KCNA4: variants seen among roughly 807,000 people sequenced by gnomAD.
KCNA4 encodes cardiac potassium channel.
KCNA4 carries 5 observed loss-of-function variants against 37.2 expected under a neutral mutation model. The observed-to-expected ratio is 0.13, with a 90% CI of 0.07 to 0.28. The LOEUF is 0.28. Ranked by LOEUF, KCNA4 falls within the 10% of genes least tolerant of loss-of-function variation. KCNA4 has a pLI of 1.00. For missense variants in KCNA4, 634 were observed against 817.4 expected, an observed-to-expected ratio of 0.78 and a Z score of 2.74; for synonymous variants, 350 against 311.8, an observed-to-expected ratio of 1.12 and a Z score of -1.29.
At chr11:30,014,308 G>A (rs1167044827) in intron 1 of KCNA4, among the ~76,000 whole-genome samples, 2 of 152,068 alleles carry the variant, frequency 1.3e-5, no homozygotes, top group Non-Finnish European at 2.9e-5. Context: ...CCTACAGCAT[G>A]TCCCCATTGT....
At chr11:30,014,921 T>C (rs1163210683) in intron 1 of KCNA4, among the ~76,000 whole-genome samples, 1 of 152,158 alleles carries the variant, frequency 6.6e-6, no homozygotes, top group Admixed American at 6.5e-5. Context: ...AATGGCTTTC[T>C]GAAGCCATTA....
chr11:30,010,571 G>C lies in KCNA4; in HGVS notation c.*146C>G. The C allele has an allele frequency of 8.5e-7, 1 of 1,173,628 alleles. No individual in the cohort carries two copies. Among genetic ancestry groups the C allele is most frequent in the East Asian group, 2.8e-5 (1 of 35,414 alleles). The allele number at this position is 1,173,628 out of a possible 1,614,324, so 72.7% of individuals were successfully genotyped here. On this transcript the variant is annotated 3_prime_UTR_variant, in exon 2 of 2. Coordinates refer to ENST00000328224, the MANE Select transcript of KCNA4 (RefSeq NM_002233.4). ...TTATTTGATATGTAATACAAGTTTAGTAACAATTATGCCATGTATAACCAT... is the reference window on the plus strand; with the variant it reads ...TTATTTGATATGTAATACAAGTTTACTAACAATTATGCCATGTATAACCAT...
rs568599711 is a variant in KCNA4 at position 30,012,847 on chromosome 11, C to T, written c.-169G>A. 4.0e-5 allele frequency: 37 copies of T among 933,366 alleles called. No homozygotes were observed. Among genetic ancestry groups the T allele is most frequent in the African/African-American group, 3.5e-4 (21 of 59,566 alleles). 57.8% of individuals were successfully genotyped at this position (933,366 alleles called of 1,614,324 possible). Reference sequence around the variant, plus strand: ...TTTGCATTTTCTGTTTTTAAATCAGCACGCCCCATGCTCTCTCTTCTCAGG... The same window carrying T: ...TTTGCATTTTCTGTTTTTAAATCAGTACGCCCCATGCTCTCTCTTCTCAGG... On this transcript the variant is annotated 5_prime_UTR_variant, in exon 2 of 2. Transcript: ENST00000328224.
intron 1 of KCNA4, among the ~76,000 whole-genome samples, chr11:30,014,607 T>C (rs11030919): frequency 0.012 from 1,875 of 151,868 alleles, 42 homozygotes; most frequent in African/African-American, 0.044. Context: ...TTATTTACAA[T>C]CTCACACTTC....
intron 1 of KCNA4, chr11:30,016,334 C>A (rs1481241977): frequency 2.0e-5 from 3 of 152,030 alleles, no homozygotes; most frequent in Non-Finnish European, 4.4e-5. Context: ...AGGGCGCACT[C>A]ACCGCATCCC....
In KCNA4 at chr11:30,011,715, C is replaced by A; in HGVS notation, c.964G>T (p.Val322Phe). 1.2e-6 allele frequency: 2 copies of A among 1,614,072 alleles called. No individual in the cohort carries two copies. Among genetic ancestry groups the A allele is most frequent in the Non-Finnish European group, 1.7e-6 (2 of 1,180,030 alleles). The part of the protein sequence containing the change: ...VSVLVILISI[V>F]IFCLETLPEF... ...GGCAAGGTTTCCAGGCAAAAGATGA[C>A]AATGGAGATTAAGATGACCAGGACG... The change falls in exon 2 of 2, where the codon GTC (valine) becomes TTC (phenylalanine). Residue 322 changes from valine to phenylalanine, a missense_variant. Physicochemically the swap from Val to Phe is conservative, Grantham distance 50. Transcript: ENST00000328224. This position sits in a 1 kb window ranked among gnomAD's most constrained non-coding sequence, Gnocchi z 5.6.
chr11:30,014,319 T>A (rs1850332451), intron 1 of KCNA4, among the ~76,000 whole-genome samples: 1 of 152,094 alleles, frequency 6.6e-6, no homozygotes, highest in Non-Finnish European at 1.5e-5. Flanking sequence ...TCCCCATTGT[T>A]TTTCTGTTCC....
In KCNA4 at chr11:30,012,022, A is replaced by G; in HGVS notation, c.657T>C (p.Tyr219=). The G allele has an allele frequency of 1.9e-6, 3 of 1,614,180 alleles. No individual in the cohort carries two copies. The highest frequency in any genetic ancestry group is 2.2e-5 in the South Asian group (2 of 91,080). The change falls in exon 2 of 2, where the codon TAT becomes TAC. Residue 219 remains tyrosine (Y), a synonymous_variant. Transcript: ENST00000328224. ...AGCTGGGGCGGTTCCTGTCAAAAAA[A>G]TACTCATTGCGCAAAGGGTCAAAGT... ...TQYFDPLRNE[Y]FFDRNRPSFD...
intron 1 of KCNA4, among the ~76,000 whole-genome samples, chr11:30,014,376 C>A (rs1850332927): frequency 6.6e-6 from 1 of 152,150 alleles, no homozygotes; most frequent in African/African-American, 2.4e-5. Context: ...GGAACTAATG[C>A]CAATTTCCAC....
Position 30,012,430 on chromosome 11 carries a change from C to G in KCNA4, c.249G>C (p.Arg83=). The G allele has an allele frequency of 2.5e-6, 4 of 1,613,680 alleles. No homozygotes were observed. The highest frequency in any genetic ancestry group is 3.4e-6 in the Non-Finnish European group (4 of 1,180,034). The change falls in exon 2 of 2, where the codon CGG becomes CGC. Residue 83 remains arginine (R), a synonymous_variant. Transcript: ENST00000328224. ...TCTCAGACCGCTGTCGCCTCCTCCT[C>G]CGACTACCCCGGCTGCTCTGAGGGT... The part of the protein sequence containing the change: ...SHDPQSSRGS[R]RRRRQRSEKK...
Position 30,012,724 on chromosome 11 carries a change from G to A in KCNA4, c.-46C>T, listed in dbSNP as rs1364996912. The A allele has an allele frequency of 3.3e-6, 5 of 1,508,310 alleles. No homozygotes were observed. Among genetic ancestry groups the A allele is most frequent in the Non-Finnish European group, 4.4e-6 (5 of 1,128,054 alleles). The allele number at this position is 1,508,310 out of a possible 1,614,324, so 93.4% of individuals were successfully genotyped here. ...GCTGGTTCCAGTTGTAGAAGAAGAA[G>A]AAAGAAAAATAGGGCAGCTTCTTTT... On this transcript the variant is annotated 5_prime_UTR_variant, in exon 2 of 2. Transcript: ENST00000328224.
At chr11:30,015,064 C>G (rs1389162106) in intron 1 of KCNA4, among the ~76,000 whole-genome samples, 3 of 152,048 alleles carry the variant, frequency 2.0e-5, no homozygotes, top group Non-Finnish European at 4.4e-5. Context: ...ACACCCCTTC[C>G]CAATCATATA....
In KCNA4 at chr11:30,010,525, C is replaced by A; in HGVS notation, c.*192G>T. 1.1e-6 allele frequency: 1 copy of A among 905,022 alleles called. No homozygotes were observed. Among genetic ancestry groups the A allele is most frequent in the Middle Eastern group, 3.5e-4 (1 of 2,862 alleles). 56.1% of individuals were successfully genotyped at this position (905,022 alleles called of 1,614,324 possible). A position where few individuals can be genotyped will look rare whatever the true frequency, so the allele number is the denominator to read the frequency against. The stretch of plus-strand genomic sequence containing the variant: ...AAGATAGATTTGCTCCTATTCCTCC[C>A]TCTTCTCCAAGATGTATCATTTATT... On this transcript the variant is annotated 3_prime_UTR_variant, in exon 2 of 2. Coordinates refer to ENST00000328224, the MANE Select transcript of KCNA4 (RefSeq NM_002233.4).
chr11:30,015,726 C>T (rs2133457187), intron 1 of KCNA4, among the ~76,000 whole-genome samples: 1 of 152,268 alleles, frequency 6.6e-6, no homozygotes, highest in South Asian at 2.1e-4. Flanking sequence ...GGTTTAAAAT[C>T]TCTCTTCTTT....
In KCNA4 at chr11:30,016,585, G is replaced by A. The variant is rs1033740083; in HGVS notation, c.-796C>T. On this transcript the variant is annotated 5_prime_UTR_variant, in exon 1 of 2. Coordinates refer to ENST00000328224, the MANE Select transcript of KCNA4 (RefSeq NM_002233.4). ...TATCATACTTACCGTTCCCCGGCGG[G>A]GCGAAAAATAAAAATAAAGAAAATC... 13 of 196,336 alleles carry A rather than the reference G, an allele frequency of 6.6e-5. No homozygotes were observed. The highest frequency in any genetic ancestry group is 1.2e-4 in the Non-Finnish European group (12 of 98,488). 12.2% of individuals were successfully genotyped at this position (196,336 alleles called of 1,614,324 possible).
rs1268476403 is a variant in KCNA4 at position 30,010,748 on chromosome 11, G to C, written c.1931C>G (p.Ser644Cys). ...DDSETDKNNCSNAKAVETDV is the reference protein window; with the variant it reads ...DDSETDKNNCCNAKAVETDV ...ATCAGTCTCCACAGCCTTTGCATTA[G>C]AACAGTTGTTTTTATCTGTCTCACT... The change falls in exon 2 of 2, where the codon TCT becomes TGT. Residue 644 changes from serine (S) to cysteine (C), a missense_variant. Ser to Cys is a moderately radical substitution (Grantham distance 112). Around this residue, in one of 8 missense-constraint regions of KCNA4, gnomAD observed 91 missense variants for 95.8 expected, o/e 0.95. Coordinates refer to ENST00000328224, the MANE Select transcript of KCNA4 (RefSeq NM_002233.4). 1.2e-6 allele frequency: 2 copies of C among 1,612,304 alleles called. No homozygotes were observed. Among genetic ancestry groups the C allele is most frequent in the African/African-American group, 2.7e-5 (2 of 75,004 alleles).
Position 30,010,323 on chromosome 11 carries a change from C to A in KCNA4, c.*394G>T. 1 of 182,356 alleles carries A rather than the reference C, an allele frequency of 5.5e-6. No individual in the cohort carries two copies. The highest frequency in any genetic ancestry group is 1.1e-5 in the Non-Finnish European group (1 of 88,482). The allele number at this position is 182,356 out of a possible 1,614,324, so 11.3% of individuals were successfully genotyped here. On this transcript the variant is annotated 3_prime_UTR_variant, in exon 2 of 2. Transcript: ENST00000328224. The stretch of plus-strand genomic sequence containing the variant: ...GACTGCTCAGATTCATTAGTTCTTA[C>A]ATAGTAAATACTTCAAAATGCCAAC...
In KCNA4 at chr11:30,011,764, A is replaced by C. The variant is rs751298633; in HGVS notation, c.915T>G (p.Pro305=). The change falls in exon 2 of 2, where the codon CCT becomes CCG. Residue 305 remains proline (P), a synonymous_variant. Transcript: ENST00000328224. This position sits in a 1 kb window ranked among gnomAD's most constrained non-coding sequence, Gnocchi z 5.6. The stretch of plus-strand genomic sequence containing the variant: ...CGGACACAATGGCTATGCCCCTTGC[A>C]GGACTGGAGCTCTCTGGATATTCAA... ...LLFEYPESSS[P]ARGIAIVSVL... is the part of the protein sequence containing the mutation. The C allele has an allele frequency of 3.7e-6, 6 of 1,614,024 alleles. No individual in the cohort carries two copies. The highest frequency in any genetic ancestry group is 5.1e-6 in the Non-Finnish European group (6 of 1,180,038).
In KCNA4 at chr11:30,010,540, T is replaced by C; in HGVS notation, c.*177A>G. The C allele has an allele frequency of 5.1e-6, 5 of 972,942 alleles. No homozygotes were observed. Among genetic ancestry groups the C allele is most frequent in the Non-Finnish European group, 7.1e-6 (5 of 700,282 alleles). 60.3% of individuals were successfully genotyped at this position (972,942 alleles called of 1,614,324 possible). Reference sequence around the variant, plus strand: ...CTATTCCTCCCTCTTCTCCAAGATGTATCATTTATTTGATATGTAATACAA... The same window carrying C: ...CTATTCCTCCCTCTTCTCCAAGATGCATCATTTATTTGATATGTAATACAA... On this transcript the variant is annotated 3_prime_UTR_variant, in exon 2 of 2. Transcript: ENST00000328224.
Sources: allele counts gnomAD v4.1 joint callset (sites outside exome capture counted in the v4.1 genomes callset), GRCh38; gene constraint gnomAD v4.1.1; regional missense constraint gnomAD v4.1.1; non-coding constraint Gnocchi (gnomAD v3.1); transcripts MANE v1.5; gene names NCBI Gene and HGNC (gene_info 2026-07-23, HGNC 2026-07-21).